Variants in PCSK5 observed in about 807,000 individuals in gnomAD.
PCSK5 encodes prohormone convertase 5.
PCSK5 carries 129 observed loss-of-function variants against 233.2 expected under a neutral mutation model. That is an observed-to-expected ratio of 0.55 (90% CI 0.48 to 0.64). The LOEUF (loss-of-function observed/expected upper bound fraction) is 0.64, where lower values mean the gene tolerates loss of function less well. PCSK5 is among the 30% of genes least tolerant of loss of function. PCSK5 has a pLI of 0.00. For synonymous variants in PCSK5, 825 were observed against 879.2 expected (o/e 0.94, Z 1.09); for missense variants, 2,076 against 2,430.1 (o/e 0.85, Z 3.06).
At chr9:76,090,428 C>CA (rs1831238603) in intron 7 of PCSK5, among the ~76,000 whole-genome samples, 2 of 152,136 alleles carry the variant, frequency 1.3e-5, no homozygotes, top group South Asian at 4.1e-4. Context: ...TAGCAGCTGT[C>CA]TTGATGGCAT....
chr9:76,312,414 C>A (rs1828887397), intron 30 of PCSK5, among the ~76,000 whole-genome samples: 1 of 151,388 alleles, frequency 6.6e-6, no homozygotes, highest in South Asian at 2.1e-4. Context: ...GAGGCTGAAG[C>A]AGGAGACTCG....
chr9:75,891,195 G>A lies in PCSK5; in HGVS notation c.14G>A (p.Ser5Asn), dbSNP rs1825578855. ...GGCGCCGGGACCATGGGCTGGGGGAGCCGCTGCTGCTGCCCGGGACGTTTG... is the reference window on the plus strand; with the variant it reads ...GGCGCCGGGACCATGGGCTGGGGGAACCGCTGCTGCTGCCCGGGACGTTTG... Reference protein sequence around the residue: MGWGSRCCCPGRLDL... With the variant: MGWGNRCCCPGRLDL... Residue 5 changes from serine to asparagine, a missense_variant, in exon 1 of 38, where the codon AGC (serine) becomes AAC (asparagine). Ser to Asn is a conservative substitution (Grantham distance 46). This residue lies in a region of PCSK5 where 190 missense variants were observed against 216.3 expected (regional missense o/e 0.88). Coordinates refer to ENST00000674117, the MANE Select transcript of PCSK5 (RefSeq NM_001372043.1). 2 of 1,480,160 alleles carry A rather than the reference G, an allele frequency of 1.4e-6. No individual in the cohort carries two copies. The highest frequency in any genetic ancestry group is 1.5e-5 in the African/African-American group (1 of 67,478). The allele number at this position is 1,480,160 out of a possible 1,614,324, so 91.7% of individuals were successfully genotyped here.
At chr9:76,273,843 T>C (rs1587825103) in intron 24 of PCSK5, among the ~76,000 whole-genome samples, 1 of 150,584 alleles carries the variant, frequency 6.6e-6, no homozygotes, top group East Asian at 1.9e-4. Flanking sequence ...AGACAGGGTC[T>C]TGCTATATTG....
intron 30 of PCSK5, among the ~76,000 whole-genome samples, chr9:76,314,087 T>C (rs1828946903): frequency 1.3e-5 from 2 of 152,246 alleles, no homozygotes; most frequent in South Asian, 4.1e-4. Flanking sequence ...ATTCTTTGAG[T>C]GTTCCAGGAA....
intron 5 of PCSK5, among the ~76,000 whole-genome samples, chr9:76,057,860 A>G (rs964916672): frequency 1.7e-5 from 2 of 118,706 alleles, no homozygotes; most frequent in African/African-American, 3.4e-5. Flanking sequence ...TTTTTTTGAG[A>G]CAGGGTCTCA....
At position 76,351,584 on chromosome 9, in the gene PCSK5, GGA is replaced by G. The variant is rs990290039; in HGVS notation, c.5067+665_5067+666del. Among the ~76,000 whole-genome samples the G allele has an allele frequency of 8.8e-5, 10 of 113,548 alleles. 2 individuals are homozygous for G. The highest frequency in any genetic ancestry group is 2.3e-4 in the African/African-American group (8 of 35,208). 74.5% of individuals were successfully genotyped at this position (113,548 alleles called of 152,430 possible). A position where few individuals can be genotyped will look rare whatever the true frequency, so the allele number is the denominator to read the frequency against. Reference sequence around the variant, plus strand: ...AGAGAGAAGGAAGGGAAGGGAGGAAGGAGAGAGAGAAAGAAAGAGAAGAAAGA... The same window carrying G: ...AGAGAGAAGGAAGGGAAGGGAGGAAGGAGAGAGAAAGAAAGAGAAGAAAGA... On this transcript the variant is annotated intron_variant, in intron 36 of 37. Transcript: ENST00000674117.
chr9:76,155,535 A>G (rs1822539683), intron 10 of PCSK5, among the ~76,000 whole-genome samples: 1 of 152,210 alleles, frequency 6.6e-6, no homozygotes, highest in East Asian at 1.9e-4. Flanking sequence ...TTAATTGGCA[A>G]TGCAATTGAT....
chr9:76,157,008 A>G (rs763222995), intron 10 of PCSK5, 37 bp from the exon 11 acceptor site: 10 of 1,415,152 alleles, frequency 7.1e-6, no homozygotes, highest in Non-Finnish European at 9.0e-6. Flanking sequence ...TGACCTATGT[A>G]GCTTAGTGAA....
chr9:76,127,605 G>T (rs1201929453), intron 9 of PCSK5, among the ~76,000 whole-genome samples: 1 of 152,196 alleles, frequency 6.6e-6, no homozygotes, highest in Non-Finnish European at 1.5e-5. Flanking sequence ...ATCTGTTAGT[G>T]AAACTAAAAA....
At chr9:75,956,946 T>A (rs1825121379) in intron 2 of PCSK5, among the ~76,000 whole-genome samples, 1 of 152,152 alleles carries the variant, frequency 6.6e-6, no homozygotes, top group South Asian at 2.1e-4. Flanking sequence ...CCCAGCAGAT[T>A]TGCAATTTGG....
intron 17 of PCSK5, 90 bp downstream of exon 17, chr9:76,184,847 C>T (rs775595340): frequency 5.5e-5 from 41 of 751,782 alleles, no homozygotes; most frequent in Non-Finnish European, 8.2e-5. Context: ...AGTAAATAAA[C>T]AGCTCTCTTA....
rs532845250 is a variant in PCSK5 at position 76,040,400 on chromosome 9, T to A, written c.632+13363T>A. ...CTCTCTCTCTGTCTCTCTCTCTCTCTCTCTCTCTCTCTCAACAGGTCTTTC... is the reference window on the plus strand; with the variant it reads ...CTCTCTCTCTGTCTCTCTCTCTCTCACTCTCTCTCTCTCAACAGGTCTTTC... On this transcript the variant is annotated intron_variant, in intron 5 of 37. Transcript: ENST00000674117. Among the ~76,000 whole-genome samples, 109 of 137,962 alleles carry A rather than the reference T, an allele frequency of 7.9e-4. 1 individual carries two copies. The South Asian group carries it at 0.01, about 13-fold the overall frequency. 90.5% of individuals were successfully genotyped at this position (137,962 alleles called of 152,430 possible).
intron 2 of PCSK5, among the ~76,000 whole-genome samples, chr9:75,935,510 CGTAAGT>C (rs1314204475): frequency 1.2e-4 from 18 of 152,124 alleles, no homozygotes; most frequent in African/African-American, 4.1e-4. Context: ...TTTTTATAAC[CGTAAGT>C]ATAACAATAA....
intron 7 of PCSK5, among the ~76,000 whole-genome samples, chr9:76,087,556 C>T (rs73456407): frequency 0.018 from 2,697 of 152,246 alleles, 80 homozygotes; most frequent in African/African-American, 0.061. Flanking sequence ...ATAAATGGCA[C>T]TTAAAATTTT....
intron 1 of PCSK5, among the ~76,000 whole-genome samples, chr9:75,919,120 T>G (rs1226354969): frequency 6.6e-6 from 1 of 152,206 alleles, no homozygotes; most frequent in Admixed American, 6.5e-5. Context: ...GTGGTCAGCC[T>G]TTTGCCTCAC....
chr9:76,020,733 C>A (rs74409646), intron 3 of PCSK5, among the ~76,000 whole-genome samples: 1 of 152,178 alleles, frequency 6.6e-6, no homozygotes, highest in Non-Finnish European at 1.5e-5. Context: ...TTTCCGTAGA[C>A]GGCTGGTTTT....
Position 76,033,348 on chromosome 9 carries a change from A to G in PCSK5, c.632+6311A>G, listed in dbSNP as rs1299396808. Among the ~76,000 whole-genome samples, 6 of 152,330 alleles carry G rather than the reference A, an allele frequency of 3.9e-5. No individual in the cohort carries two copies. In the East Asian group the frequency reaches 7.7e-4, roughly 20 times the overall value. ...AAATATGTTAAGATAAAGTTTTCCT[A>G]TAGCTTAGTAGGTCAGACAAAACTT... On this transcript the variant is annotated intron_variant, in intron 5 of 37. Coordinates refer to ENST00000674117, the MANE Select transcript of PCSK5 (RefSeq NM_001372043.1).
intron 3 of PCSK5, among the ~76,000 whole-genome samples, chr9:76,014,124 C>T (rs772829444): frequency 8.6e-5 from 13 of 151,430 alleles, no homozygotes; most frequent in East Asian, 5.8e-4. Context: ...CAGAGGGGAC[C>T]GAGAGGGTGA....
intron 35 of PCSK5, among the ~76,000 whole-genome samples, chr9:76,349,099 G>A (rs1013231405): frequency 1.5e-5 from 2 of 132,296 alleles, no homozygotes; most frequent in African/African-American, 5.3e-5. Flanking sequence ...GTGAAACCCC[G>A]TCTCTACTAA....
Sources: allele counts gnomAD v4.1 joint callset (sites outside exome capture counted in the v4.1 genomes callset), GRCh38; gene constraint gnomAD v4.1.1; regional missense constraint gnomAD v4.1.1; transcripts MANE v1.5; gene names NCBI Gene and HGNC (gene_info 2026-07-23, HGNC 2026-07-21).